MAN2C1: variants seen among roughly 807,000 people sequenced by gnomAD.
MAN2C1 encodes the protein mannosidase alpha class 2C member 1.
In MAN2C1, 111 loss-of-function variants were observed where a neutral mutation model predicts 126.9. The observed-to-expected ratio is 0.87, with a 90% CI of 0.75 to 1.02. The LOEUF (loss-of-function observed/expected upper bound fraction) is 1.02. Among genes scored for constraint, MAN2C1 ranks in the 50% least tolerant of loss-of-function variants. MAN2C1 has a pLI of 0.00. For missense variants in MAN2C1, 1,363 were observed against 1,364.4 expected, an observed-to-expected ratio of 1.00 and a Z score of 0.02; for synonymous variants, 567 against 561.5, an observed-to-expected ratio of 1.01 and a Z score of -0.14.
rs2072404854 is a variant in MAN2C1 at position 75,358,930 on chromosome 15, G to A, written c.2142-122C>T. The A allele has an allele frequency of 3.5e-6, 5 of 1,430,298 alleles. No homozygotes were observed. In the East Asian group the frequency reaches 7.0e-5, roughly 20 times the overall value. 88.6% of individuals were successfully genotyped at this position (1,430,298 alleles called of 1,614,324 possible). On this transcript the variant is annotated intron_variant, in intron 18 of 25. Coordinates refer to ENST00000267978, the MANE Select transcript of MAN2C1 (RefSeq NM_006715.4). Reference sequence around the variant, plus strand: ...AGGGGACTACTGCCCAGCCTGCCCTGCTCCATGTGTGGGTTCCAGCCCAGA... The same window carrying A: ...AGGGGACTACTGCCCAGCCTGCCCTACTCCATGTGTGGGTTCCAGCCCAGA...
In MAN2C1 at chr15:75,362,270, C is replaced by G; in HGVS notation, c.1008+73G>C. On this transcript the variant is annotated intron_variant, in intron 8 of 25. Transcript: ENST00000267978. This position sits in a 1 kb window ranked among gnomAD's most constrained non-coding sequence, Gnocchi z 4.5. The stretch of plus-strand genomic sequence containing the variant: ...GCCCGTGGAAACTCACCAGCAAAGC[C>G]GGGAGGGCGGGGCTACCTGAGGGAA... 7.3e-7 allele frequency: 1 copy of G among 1,369,180 alleles called. No individual in the cohort carries two copies. The highest frequency in any genetic ancestry group is 1.0e-6 in the Non-Finnish European group (1 of 970,380). The allele number at this position is 1,369,180 out of a possible 1,614,324, so 84.8% of individuals were successfully genotyped here. A position where few individuals can be genotyped will look rare whatever the true frequency, so the allele number is the denominator to read the frequency against.
chr15:75,356,236 C>A lies in MAN2C1; in HGVS notation c.2887-17G>T, dbSNP rs756783097. On this transcript the variant is annotated splice_polypyrimidine_tract_variant and intron_variant, in intron 24 of 25. Coordinates refer to ENST00000267978, the MANE Select transcript of MAN2C1 (RefSeq NM_006715.4). This position sits in a 1 kb window ranked among gnomAD's most constrained non-coding sequence, Gnocchi z 5.8. ...GCTCTCCGCCTGCAGAGGAACACGT[C>A]TGGTGGGAGGGGCCGAGGGCAGGCC... is the stretch of plus-strand genomic sequence containing the variant. 1 of 1,612,884 alleles carries A rather than the reference C, an allele frequency of 6.2e-7. No individual in the cohort carries two copies. Among genetic ancestry groups the A allele is most frequent in the Non-Finnish European group, 8.5e-7 (1 of 1,179,716 alleles).
At position 75,364,648 on chromosome 15, in the gene MAN2C1, T is replaced by G. The variant is rs1287324618; in HGVS notation, c.440A>C (p.Glu147Ala). ...CCCCAGGAGCCCATTGCAGGCTACT[T>G]CCACATAGAGAGTGAGGCTACAAAG... The part of the protein sequence containing the change: ...RDPRSLTLYV[E>A]VACNGLLGAG... The change falls in exon 5 of 26, where the codon GAA becomes GCA. Residue 147 changes from glutamate to alanine, a missense_variant. Coordinates refer to ENST00000267978, the MANE Select transcript of MAN2C1 (RefSeq NM_006715.4). 2 of 1,611,916 alleles carry G rather than the reference T, an allele frequency of 1.2e-6. No homozygotes were observed. The highest frequency in any genetic ancestry group is 1.7e-6 in the Non-Finnish European group (2 of 1,178,978).
At position 75,362,283 on chromosome 15, in the gene MAN2C1, C is replaced by A; in HGVS notation, c.1008+60G>T. 6.8e-7 allele frequency: 1 copy of A among 1,474,030 alleles called. No homozygotes were observed. The allele number at this position is 1,474,030 out of a possible 1,614,324, so 91.3% of individuals were successfully genotyped here. A position where few individuals can be genotyped will look rare whatever the true frequency, so the allele number is the denominator to read the frequency against. On this transcript the variant is annotated intron_variant, in intron 8 of 25. Coordinates refer to ENST00000267978, the MANE Select transcript of MAN2C1 (RefSeq NM_006715.4). This position sits in a 1 kb window ranked among gnomAD's most constrained non-coding sequence, Gnocchi z 4.5. ...CACCAGCAAAGCCGGGAGGGCGGGG[C>A]TACCTGAGGGAAGGCTGTTGTCATA...
Position 75,362,771 on chromosome 15 carries a change from G to A in MAN2C1, c.791-23C>T. The A allele has an allele frequency of 6.2e-7, 1 of 1,602,328 alleles. No individual in the cohort carries two copies. Among genetic ancestry groups the A allele is most frequent in the Non-Finnish European group, 8.5e-7 (1 of 1,169,736 alleles). On this transcript the variant is annotated intron_variant, in intron 6 of 25. Coordinates refer to ENST00000267978, the MANE Select transcript of MAN2C1 (RefSeq NM_006715.4). The surrounding 1 kb of genome is among the most constrained non-coding windows in gnomAD (Gnocchi z 4.5). ...AGGCTATACGGGGAGTGAGGTGGAGGACAGAGGGAGCAGCAAGGCTGACCA... is the reference window on the plus strand; with the variant it reads ...AGGCTATACGGGGAGTGAGGTGGAGAACAGAGGGAGCAGCAAGGCTGACCA...
rs1018096804 is a variant in MAN2C1, at chr15:75,355,948, T to G, written c.3081A>C (p.Gln1027His). 2 of 1,614,014 alleles carry G rather than the reference T, an allele frequency of 1.2e-6. No homozygotes were observed. Among genetic ancestry groups the G allele is most frequent in the Non-Finnish European group, 1.7e-6 (2 of 1,179,996 alleles). ...NRLKLTFSPF[Q>H]VLSLLLVLQP... The stretch of plus-strand genomic sequence containing the variant: ...GAAGCACGAGCAACAGGGACAGCAC[T>G]TGGAAGGGAGAAAAGGTGAGCTTCA... The change falls in exon 26 of 26, where the codon CAA becomes CAC. Residue 1027 changes from glutamine to histidine, a missense_variant. Physicochemically the swap from Gln to His is conservative, Grantham distance 24 (BLOSUM62 0). Transcript: ENST00000267978.
At chr15:75,363,888 G>C in intron 6 of MAN2C1, 111 bp downstream of exon 6, 1 of 1,206,470 alleles carries the variant, frequency 8.3e-7, no homozygotes, top group Admixed American at 2.5e-5. Context: ...GGAAAACGCA[G>C]GTCCAAGAGG....
At chr15:75,365,514 C>T (rs1360987109) in intron 4 of MAN2C1, 1 of 158,122 alleles carries the variant, frequency 6.3e-6, no homozygotes, top group Non-Finnish European at 1.4e-5. Flanking sequence ...AGCCTGAGGT[C>T]AGCAGTTTGA....
chr15:75,366,641 T>C (rs372396098), intron 3 of MAN2C1, 49 bp from the exon 4 acceptor site: 1 of 1,452,414 alleles, frequency 6.9e-7, no homozygotes, highest in Non-Finnish European at 9.5e-7. Context: ...TTTTGGACAG[T>C]TCAGGTAAAG....
rs746371504 is a variant in MAN2C1 at position 75,356,402 on chromosome 15, A to T, written c.2785T>A (p.Phe929Ile). The T allele has an allele frequency of 3.7e-6, 6 of 1,610,598 alleles. No individual in the cohort carries two copies. The highest frequency in any genetic ancestry group is 4.2e-6 in the Non-Finnish European group (5 of 1,178,824). The change falls in exon 24 of 26, where the codon TTC (phenylalanine) becomes ATC (isoleucine). Residue 929 changes from phenylalanine (F) to isoleucine (I), a missense_variant. Coordinates refer to ENST00000267978, the MANE Select transcript of MAN2C1 (RefSeq NM_006715.4). This position sits in a 1 kb window ranked among gnomAD's most constrained non-coding sequence, Gnocchi z 5.8. The part of the protein sequence containing the change: ...GVIQAAYSLN[F>I]PLLALPAPSP... ...GGGGCTGGCAGAGCCAACAGGGGGA[A>T]GTTTAGGCTGTAGGCAGCTTGGATA...
chr15:75,365,833 C>G (rs1397486740), intron 4 of MAN2C1: 2 of 320,032 alleles, frequency 6.2e-6, no homozygotes, highest in Non-Finnish European at 1.2e-5. Flanking sequence ...GCCTGTAATT[C>G]CAGCATTTTG....
chr15:75,367,398 C>G (rs2072596061), intron 3 of MAN2C1, 113 bp downstream of exon 3: 1 of 1,391,698 alleles, frequency 7.2e-7, no homozygotes, highest in Non-Finnish European at 9.8e-7. Flanking sequence ...CCTGATACCA[C>G]CCTGTGGGCA....
At chr15:75,364,834 T>C (rs1346567161) in intron 4 of MAN2C1, among the ~76,000 whole-genome samples, 169 bp from the exon 5 acceptor site, 1 of 152,160 alleles carries the variant, frequency 6.6e-6, no homozygotes, top group Admixed American at 6.5e-5. Context: ...AGGGTTGTGG[T>C]ACAAACACCA....
In MAN2C1 at chr15:75,361,703, G is replaced by T; in HGVS notation, c.1119C>A (p.Thr373=). 6.2e-7 allele frequency: 1 copy of T among 1,613,954 alleles called. No homozygotes were observed. Among genetic ancestry groups the T allele is most frequent in the Non-Finnish European group, 8.5e-7 (1 of 1,179,982 alleles). The change falls in exon 10 of 26, where the codon ACC becomes ACA. Residue 373 remains threonine, a synonymous_variant. Coordinates refer to ENST00000267978, the MANE Select transcript of MAN2C1 (RefSeq NM_006715.4). The surrounding 1 kb of genome is among the most constrained non-coding windows in gnomAD (Gnocchi z 5.0). ...KMCSEFWLPD[T]FGYSAQLPQI... ...GGGGGAGCTGTGCTGAGTAGCCAAA[G>T]GTGTCCGGCAGCCAGAACTGTGGAG...
At position 75,356,614 on chromosome 15, in the gene MAN2C1, G is replaced by A. The variant is rs769808322; in HGVS notation, c.2729C>T (p.Pro910Leu). The change falls in exon 23 of 26, where the codon CCG becomes CTG. Residue 910 changes from proline (P) to leucine (L), a missense_variant. By Grantham distance (98) the Pro-to-Leu change is moderately conservative. This residue lies in a region of MAN2C1 where 668 missense variants were observed against 650.1 expected (regional missense o/e 1.03). Coordinates refer to ENST00000267978, the MANE Select transcript of MAN2C1 (RefSeq NM_006715.4). The surrounding 1 kb of genome is among the most constrained non-coding windows in gnomAD (Gnocchi z 5.8). ...CCGTCCCCAGCACTCACCCTTGTGC[G>A]GCATCAGTGCATAGGTGAACTCGTG... is the stretch of plus-strand genomic sequence containing the variant. Reference protein sequence around the residue: ...GRHEFTYALMPHKGSFQDAGV... With the variant: ...GRHEFTYALMLHKGSFQDAGV... 7.8e-5 allele frequency: 122 copies of A among 1,561,556 alleles called. No individual in the cohort carries two copies. The highest frequency in any genetic ancestry group is 2.2e-4 in the Middle Eastern group (1 of 4,594).
intron 1 of MAN2C1, 128 bp downstream of exon 1, chr15:75,368,354 GC>G: frequency 7.2e-7 from 1 of 1,384,230 alleles, no homozygotes; most frequent in Non-Finnish European, 9.8e-7. Flanking sequence ...CTCCTCCCCG[GC>G]CCCTGCCCTG....
intron 3 of MAN2C1, 66 bp downstream of exon 3, chr15:75,367,445 A>G (rs2072597178): frequency 6.3e-7 from 1 of 1,578,226 alleles, no homozygotes; most frequent in Admixed American, 1.8e-5. Flanking sequence ...AGTCCACAGA[A>G]GAAGGGCTGT....
chr15:75,361,344 C>A lies in MAN2C1; in HGVS notation c.1256G>T (p.Arg419Leu), dbSNP rs144261499. The A allele has an allele frequency of 3.2e-6, 5 of 1,567,004 alleles. No homozygotes were observed. In the African/African-American group the frequency reaches 5.4e-5, roughly 17 times the overall value. The change falls in exon 11 of 26, where the codon CGT becomes CTT. Residue 419 changes from arginine (R) to leucine (L), a missense_variant. Around this residue, in one of 3 missense-constraint regions of MAN2C1, gnomAD observed 628 missense variants for 609.8 expected, o/e 1.03. Transcript: ENST00000267978. This position sits in a 1 kb window ranked among gnomAD's most constrained non-coding sequence, Gnocchi z 5.0. ...GCCAGGTGGGAAGTGGACCAGTACA[C>A]GGGAGCCATCCAGGCCCTCCCAGAA... The part of the protein sequence containing the change: ...TFFWEGLDGS[R>L]VLVHFPPGDS...
chr15:75,366,282 A>C (rs1567287330), intron 4 of MAN2C1, among the ~76,000 whole-genome samples: 2 of 152,234 alleles, frequency 1.3e-5, no homozygotes, highest in African/African-American at 4.8e-5. Flanking sequence ...CTGCAGCCTC[A>C]TCCTCCTGGG....
Sources: gnomAD v4.1 joint callset for allele counts (sites outside exome capture counted in the v4.1 genomes callset) on GRCh38, gnomAD v4.1.1 for gene constraint, gnomAD v4.1.1 regional missense constraint, Gnocchi (gnomAD v3.1) non-coding constraint, MANE v1.5 for transcripts, NCBI Gene and HGNC (gene_info 2026-07-23, HGNC 2026-07-21) for gene names.